The following ANKRD36C variants were observed in gnomAD, a reference collection of about 807,000 sequenced individuals.
The protein encoded by ANKRD36C is ankyrin repeat domain 36C.
In ANKRD36C, 61 loss-of-function variants were observed where a neutral mutation model predicts 276.4. The ratio of observed to expected loss-of-function variants is 0.22; its 90% CI spans 0.18 to 0.27. The LOEUF (loss-of-function observed/expected upper bound fraction) is 0.27, where lower values mean the gene tolerates loss of function less well. Among genes scored for constraint, ANKRD36C ranks in the 10% least tolerant of loss-of-function variants. ANKRD36C has a pLI of 1.00. For missense variants in ANKRD36C, 1,447 were observed against 2,032.3 expected, an observed-to-expected ratio of 0.71 and a Z score of 5.54; for synonymous variants, 483 against 680.1, an observed-to-expected ratio of 0.71 and a Z score of 4.51.
intron 12 of ANKRD36C, among the ~76,000 whole-genome samples, chr2:95,957,951 G>A (rs1678369688): frequency 6.6e-6 from 1 of 152,038 alleles, no homozygotes; most frequent in East Asian, 1.9e-4. Flanking sequence ...GGTGACTGTG[G>A]TTCATCACAA....
chr2:95,964,013 A>ATATATATATG (rs1290578450), intron 6 of ANKRD36C, among the ~76,000 whole-genome samples: 1 of 20,252 alleles, frequency 4.9e-5, no homozygotes, highest in South Asian at 1.7e-3. Flanking sequence ...ATATATATAT[A>ATATATATATG]TGTGTGTGTG....
chr2:95,926,911 T>A (rs1677417405), intron 28 of ANKRD36C, among the ~76,000 whole-genome samples: 1 of 151,592 alleles, frequency 6.6e-6, no homozygotes, highest in Admixed American at 6.6e-5. Context: ...TCTTTCTCCA[T>A]CCACCCTTGG....
At chr2:95,912,499 G>C (rs58719199) in intron 40 of ANKRD36C, 64 bp from the exon 43 acceptor site, 2 of 1,595,666 alleles carry the variant, frequency 1.3e-6, no homozygotes, top group South Asian at 1.1e-5. Context: ...CCATACATTC[G>C]CACAGTGTTA....
At chr2:95,960,363 G>A (rs1242748603) in intron 10 of ANKRD36C, 110 bp downstream of exon 10, 26 of 1,338,134 alleles carry the variant, frequency 1.9e-5, no homozygotes, top group South Asian at 1.4e-4. Flanking sequence ...TCTCAGGCCC[G>A]CTGAATCAGA....
intron 28 of ANKRD36C, among the ~76,000 whole-genome samples, chr2:95,926,477 T>A (rs1311445597): frequency 1.3e-5 from 2 of 151,630 alleles, no homozygotes; most frequent in African/African-American, 4.8e-5. Context: ...GTTAGCTAAT[T>A]GAAAAGCAAA....
intron 59 of ANKRD36C, among the ~76,000 whole-genome samples, chr2:95,869,302 T>A (rs1461471267): frequency 6.6e-6 from 1 of 152,102 alleles, no homozygotes; most frequent in Non-Finnish European, 1.5e-5. Flanking sequence ...CACTGTTTGT[T>A]TGGACTAAAC....
At chr2:95,908,615 T>C (rs776689144) in intron 42 of ANKRD36C, 41 bp from the exon 48 acceptor site, 5 of 1,563,118 alleles carry the variant, frequency 3.2e-6, no homozygotes, top group South Asian at 1.2e-5. Flanking sequence ...TAATAAAGTA[T>C]GTTTCATAGA....
At chr2:95,892,616 G>C (rs547155963) in intron 44 of ANKRD36C, among the ~76,000 whole-genome samples, 10 of 151,566 alleles carry the variant, frequency 6.6e-5, no homozygotes, top group African/African-American at 1.4e-4. Context: ...ATTAGATATT[G>C]ACCAGTTATT....
At chr2:95,930,505 T>C (rs576372803) in intron 24 of ANKRD36C, among the ~76,000 whole-genome samples, 44 of 151,788 alleles carry the variant, frequency 2.9e-4, no homozygotes, top group African/African-American at 7.9e-4. Flanking sequence ...CAGTTCAACT[T>C]TCTCACTGTC....
chr2:95,912,147 G>C, intron 42 of ANKRD36C, 97 bp downstream of exon 44: 1 of 1,477,530 alleles, frequency 6.8e-7, no homozygotes, highest in African/African-American at 1.4e-5. Context: ...TGCTGAATCA[G>C]AATGTGCAGC....
At chr2:95,888,791 T>C (rs1325197043) in intron 48 of ANKRD36C, among the ~76,000 whole-genome samples, 3 of 151,680 alleles carry the variant, frequency 2.0e-5, no homozygotes, top group Non-Finnish European at 4.4e-5. Flanking sequence ...AAGGATAATA[T>C]ATTAGCCTCA....
At chr2:95,923,764 G>A (rs1677337615) in intron 30 of ANKRD36C, 75 bp from the exon 31 acceptor site, 1 of 1,584,004 alleles carries the variant, frequency 6.3e-7, no homozygotes, top group Admixed American at 1.7e-5. Flanking sequence ...TGAAGTGTTA[G>A]AATCAAGCTG....
intron 6 of ANKRD36C, among the ~76,000 whole-genome samples, chr2:95,971,503 AT>A (rs1024192786): frequency 2.0e-5 from 3 of 151,998 alleles, no homozygotes; most frequent in African/African-American, 4.8e-5. Flanking sequence ...AAAGTTATTA[AT>A]TTTTTAAAAA....
At chr2:95,893,153 A>G (rs2104356573) in intron 44 of ANKRD36C, among the ~76,000 whole-genome samples, 1 of 151,400 alleles carries the variant, frequency 6.6e-6, no homozygotes, top group Non-Finnish European at 1.5e-5. Flanking sequence ...GGGTTATTAC[A>G]AGTTTTCTGT....
chr2:95,893,794 A>C (rs888556244), intron 44 of ANKRD36C, 70 bp from the exon 63 acceptor site: 36 of 1,597,848 alleles, frequency 2.3e-5, no homozygotes, highest in Admixed American at 1.2e-4. Context: ...ATTCATGCAG[A>C]GTTAGCATCA....
chr2:95,984,660 C>T (rs1678993328), intron 3 of ANKRD36C, among the ~76,000 whole-genome samples: 1 of 152,042 alleles, frequency 6.6e-6, no homozygotes, highest in African/African-American at 2.4e-5. Context: ...AGCACTTTTA[C>T]AACATTCATT....
At chr2:95,914,758 G>A (rs1677041724) in intron 38 of ANKRD36C, among the ~76,000 whole-genome samples, 1 of 151,400 alleles carries the variant, frequency 6.6e-6, no homozygotes, top group Admixed American at 6.6e-5. Flanking sequence ...AACTGAGAAG[G>A]CACACAATTC....
chr2:95,860,034 TA>T lies in ANKRD36C; in HGVS notation c.3722del (p.Leu1241TyrfsTer5). 6.5e-7 allele frequency: 1 copy of T among 1,545,822 alleles called. No homozygotes were observed. Among genetic ancestry groups the T allele is most frequent in the Non-Finnish European group, 8.7e-7 (1 of 1,144,162 alleles). On this transcript the variant is annotated frameshift_variant, in exon 61 of 67. Transcript: ENST00000456556. LOFTEE classifies it high-confidence loss of function. ...CTTTAAGTTCTGTTAATCTTTTACA[TA>T]AACAAAATGTCTTTTTAATTTTCAA...
chr2:95,927,505 C>T, intron 26 of ANKRD36C, 96 bp from the exon 27 acceptor site: 1 of 1,568,056 alleles, frequency 6.4e-7, no homozygotes, highest in Non-Finnish European at 8.6e-7. Context: ...TATCTTCCTG[C>T]CTGTACTAGT....
Sources: allele counts gnomAD v4.1 joint callset (sites outside exome capture counted in the v4.1 genomes callset), GRCh38; gene constraint gnomAD v4.1.1; transcripts MANE v1.5; gene names NCBI Gene and HGNC (gene_info 2026-07-23, HGNC 2026-07-21).